BAALC: variants seen among roughly 807,000 people sequenced by gnomAD.
BAALC encodes BAALC binder of MAP3K1 and KLF4.
BAALC carries 9 observed loss-of-function variants against 15.5 expected under a neutral mutation model. The ratio of observed to expected loss-of-function variants is 0.58; its 90% CI spans 0.35 to 1.02. BAALC has a LOEUF of 1.02. Among genes scored for constraint, BAALC ranks in the 50% least tolerant of loss-of-function variants. The probability of loss-of-function intolerance (pLI) is 0.02; values close to 1 mark genes in which losing one functional copy is unlikely to be tolerated. For synonymous variants in BAALC, 80 were observed against 74.6 expected (o/e 1.07, Z -0.37); for missense variants, 201 against 192.4 (o/e 1.04, Z -0.27).
At chr8:103,167,642 A>G (rs1009645008) in intron 1 of BAALC, among the ~76,000 whole-genome samples, 1 of 152,334 alleles carries the variant, frequency 6.6e-6, no homozygotes, top group East Asian at 1.9e-4. Flanking sequence ...CAGCATGTGC[A>G]AAGGCCTTGA....
intron 1 of BAALC, among the ~76,000 whole-genome samples, chr8:103,194,460 A>C (rs1185576998): frequency 6.6e-6 from 1 of 152,220 alleles, no homozygotes; most frequent in Non-Finnish European, 1.5e-5. Context: ...CCGTGAGGTC[A>C]TTGTAACAAA....
chr8:103,198,239 A>G (rs2130023018), intron 1 of BAALC: 2 of 626,310 alleles, frequency 3.2e-6, no homozygotes. Context: ...GTTCTTATGT[A>G]TCATTATATT....
intron 1 of BAALC, among the ~76,000 whole-genome samples, chr8:103,147,284 G>T (rs1203874019): frequency 6.6e-6 from 1 of 152,164 alleles, no homozygotes; most frequent in Non-Finnish European, 1.5e-5. Context: ...TATCCTAAGT[G>T]CATTCCAGAA....
chr8:103,188,816 A>G (rs1447066554), intron 1 of BAALC, among the ~76,000 whole-genome samples: 1 of 152,228 alleles, frequency 6.6e-6, no homozygotes, highest in Non-Finnish European at 1.5e-5. Context: ...TATATTTTTA[A>G]ATCTTTATTC....
At chr8:103,179,556 CCTT>C (rs1351379481) in intron 1 of BAALC, among the ~76,000 whole-genome samples, 2 of 152,244 alleles carry the variant, frequency 1.3e-5, no homozygotes, top group Non-Finnish European at 2.9e-5. Flanking sequence ...GCTTCACCCT[CCTT>C]GTTTCCCAGC....
chr8:103,197,746 A>C (rs1173188791), intron 1 of BAALC, among the ~76,000 whole-genome samples: 2 of 152,086 alleles, frequency 1.3e-5, no homozygotes, highest in Non-Finnish European at 2.9e-5. Flanking sequence ...CAAGAGCGGG[A>C]GAAAGAGTGG....
intron 2 of BAALC, among the ~76,000 whole-genome samples, chr8:103,216,632 T>C (rs1047268014): frequency 6.6e-6 from 1 of 152,148 alleles, no homozygotes; most frequent in African/African-American, 2.4e-5. Flanking sequence ...TGCACCACCA[T>C]GCCCAGCCAA....
chr8:103,211,031 CTCT>C (rs1355003208), intron 1 of BAALC, among the ~76,000 whole-genome samples: 1 of 151,080 alleles, frequency 6.6e-6, no homozygotes, highest in Non-Finnish European at 1.5e-5. Flanking sequence ...TTTTTTTTTC[CTCT>C]TCTTAAGCTG....
chr8:103,143,578 G>T (rs1051498708), intron 1 of BAALC, among the ~76,000 whole-genome samples: 1 of 152,080 alleles, frequency 6.6e-6, no homozygotes, highest in Non-Finnish European at 1.5e-5. Context: ...ACTCTCAGGG[G>T]AATCATCCCC....
chr8:103,147,979 C>T (rs1810912120), intron 1 of BAALC, among the ~76,000 whole-genome samples: 1 of 152,214 alleles, frequency 6.6e-6, no homozygotes, highest in Admixed American at 6.5e-5. Flanking sequence ...CCAACCACAG[C>T]CATCTCTCTT....
At chr8:103,155,318 CTAATG>C (rs61598190) in intron 1 of BAALC, among the ~76,000 whole-genome samples, 17,702 of 152,082 alleles carry the variant, frequency 0.12, 1,464 homozygotes, top group East Asian at 0.42. Flanking sequence ...TCTTAATTCT[CTAATG>C]TAATAATAAT....
intron 2 of BAALC, among the ~76,000 whole-genome samples, chr8:103,226,650 C>T (rs982504293): frequency 6.6e-6 from 1 of 152,188 alleles, no homozygotes; most frequent in Non-Finnish European, 1.5e-5. Flanking sequence ...GACACATATA[C>T]TTAAAGAACC....
At chr8:103,167,879 T>A (rs1350586720) in intron 1 of BAALC, among the ~76,000 whole-genome samples, 3 of 152,188 alleles carry the variant, frequency 2.0e-5, no homozygotes, top group Admixed American at 6.5e-5. Flanking sequence ...AAAGTTTTTT[T>A]AAAGATATTC....
At chr8:103,189,974 T>C (rs1586415470) in intron 1 of BAALC, among the ~76,000 whole-genome samples, 1 of 151,944 alleles carries the variant, frequency 6.6e-6, no homozygotes, top group Non-Finnish European at 1.5e-5. Context: ...TTAGATGAGG[T>C]GAACTGTACC....
chr8:103,200,727 C>A, intron 1 of BAALC: 1 of 700,842 alleles, frequency 1.4e-6, no homozygotes, highest in Non-Finnish European at 2.6e-6. Context: ...TTGTTCTCTG[C>A]TTCAAAGATG....
At chr8:103,196,806 C>T (rs1586421943) in intron 1 of BAALC, among the ~76,000 whole-genome samples, 1 of 152,182 alleles carries the variant, frequency 6.6e-6, no homozygotes, top group East Asian at 1.9e-4. Flanking sequence ...GTATCCCTGA[C>T]ATGGGAGCTG....
intron 1 of BAALC, among the ~76,000 whole-genome samples, chr8:103,181,484 G>C (rs988242347): frequency 7.9e-5 from 12 of 152,086 alleles, no homozygotes; most frequent in South Asian, 2.1e-4. Context: ...ATGTTAGCCA[G>C]GATGGTCTCG....
At chr8:103,212,471 C>A (rs546942130) in intron 1 of BAALC, among the ~76,000 whole-genome samples, 7 of 152,032 alleles carry the variant, frequency 4.6e-5, no homozygotes, top group Non-Finnish European at 1.5e-5. Context: ...AAAATAAAAA[C>A]CCAACATTTA....
At chr8:103,226,751 T>C (rs931133982) in intron 2 of BAALC, among the ~76,000 whole-genome samples, 2 of 152,240 alleles carry the variant, frequency 1.3e-5, no homozygotes, top group Non-Finnish European at 2.9e-5. Context: ...TCTATCCTAC[T>C]TTTTAAGCTT....
Sources: gnomAD v4.1 joint callset for allele counts (sites outside exome capture counted in the v4.1 genomes callset) on GRCh38, gnomAD v4.1.1 for gene constraint, MANE v1.5 for transcripts, NCBI Gene and HGNC (gene_info 2026-07-23, HGNC 2026-07-21) for gene names.